CWF19L2: variants seen among roughly 807,000 people sequenced by gnomAD.
The protein encoded by CWF19L2 is CWF19 like cell cycle control factor 2, also known as CWF19-like protein 2.
Under a neutral mutation model 111.7 loss-of-function variants are expected in CWF19L2, and 98 were observed. The observed-to-expected ratio is 0.88, with a 90% confidence interval of 0.75 to 1.04. The LOEUF (loss-of-function observed/expected upper bound fraction) is 1.04. Ranked by LOEUF, CWF19L2 falls within the 50% of genes least tolerant of loss-of-function variation. CWF19L2 has a pLI of 0.00. For synonymous variants in CWF19L2, 351 were observed against 342.9 expected (o/e 1.02, Z -0.26); for missense variants, 1,101 against 1,051.4 (o/e 1.05, Z -0.65).
At chr11:107,372,632 T>G (rs1263803812) in intron 12 of CWF19L2, among the ~76,000 whole-genome samples, 1 of 136,490 alleles carries the variant, frequency 7.3e-6, no homozygotes, top group Non-Finnish European at 1.6e-5. Context: ...ATGCACATTT[T>G]GAACAAAAAA....
At chr11:107,340,423 T>C (rs984055580) in intron 14 of CWF19L2, among the ~76,000 whole-genome samples, 1 of 152,212 alleles carries the variant, frequency 6.6e-6, no homozygotes, top group African/African-American at 2.4e-5. Flanking sequence ...GAAAAGGCTA[T>C]CCCTTTTACA....
At chr11:107,362,362 C>G (rs571419147) in intron 12 of CWF19L2, among the ~76,000 whole-genome samples, 2,564 of 151,904 alleles carry the variant, frequency 0.017, 53 homozygotes, top group African/African-American at 0.057. Flanking sequence ...GGCTTCACCT[C>G]TGGGGGCAGG....
At chr11:107,365,939 C>A (rs924126383) in intron 12 of CWF19L2, among the ~76,000 whole-genome samples, 1 of 143,962 alleles carries the variant, frequency 6.9e-6, no homozygotes, top group South Asian at 2.3e-4. Flanking sequence ...CTGTCTCAGC[C>A]CAAAATCTCC....
chr11:107,454,962 G>A (rs1343776400), intron 2 of CWF19L2, among the ~76,000 whole-genome samples: 1 of 151,882 alleles, frequency 6.6e-6, no homozygotes, highest in Non-Finnish European at 1.5e-5. Context: ...AGACTATTAG[G>A]CCATAAAAAA....
intron 12 of CWF19L2, among the ~76,000 whole-genome samples, chr11:107,380,713 C>T (rs1860672720): frequency 6.6e-6 from 1 of 152,110 alleles, no homozygotes; most frequent in African/African-American, 2.4e-5. Flanking sequence ...CTAGCAATTC[C>T]ATGTCTAGAT....
intron 10 of CWF19L2, among the ~76,000 whole-genome samples, chr11:107,413,250 A>G (rs768086250): frequency 1.8e-4 from 27 of 152,192 alleles, no homozygotes; most frequent in Non-Finnish European, 3.5e-4. Context: ...AAATGTGTGT[A>G]CCTTCCTCTC....
intron 5 of CWF19L2, among the ~76,000 whole-genome samples, chr11:107,440,097 C>A (rs1425018252): frequency 2.6e-5 from 4 of 152,016 alleles, no homozygotes; most frequent in Admixed American, 6.5e-5. Flanking sequence ...AAATTATGGT[C>A]TAGAGAAGGG....
At chr11:107,356,253 A>T (rs1036942090) in intron 12 of CWF19L2, among the ~76,000 whole-genome samples, 10 of 152,214 alleles carry the variant, frequency 6.6e-5, no homozygotes, top group African/African-American at 2.4e-4. Context: ...TAGAGGGAAA[A>T]TTATAGCATT....
intron 12 of CWF19L2, among the ~76,000 whole-genome samples, chr11:107,362,667 A>T (rs1047789812): frequency 7.8e-4 from 118 of 151,482 alleles, no homozygotes; most frequent in African/African-American, 2.4e-3. Flanking sequence ...CCAAAAACCC[A>T]TCTGTACATC....
intron 12 of CWF19L2, among the ~76,000 whole-genome samples, chr11:107,376,251 C>T (rs1308980304): frequency 9.9e-6 from 1 of 100,696 alleles, no homozygotes; most frequent in African/African-American, 4.8e-5. Flanking sequence ...GGAATCCTCC[C>T]TAACTCATTT....
chr11:107,379,946 A>C (rs1269007064), intron 12 of CWF19L2, among the ~76,000 whole-genome samples: 1 of 150,174 alleles, frequency 6.7e-6, no homozygotes, highest in Non-Finnish European at 1.5e-5. Flanking sequence ...CTATAGTCCC[A>C]GCTATTCGGG....
chr11:107,347,979 T>C (rs1350606656), intron 14 of CWF19L2, among the ~76,000 whole-genome samples: 1 of 152,126 alleles, frequency 6.6e-6, no homozygotes, highest in Non-Finnish European at 1.5e-5. Flanking sequence ...TTCCATACTT[T>C]CCACCTTAAA....
At chr11:107,427,894 C>T (rs960392396) in intron 8 of CWF19L2, among the ~76,000 whole-genome samples, 4 of 152,094 alleles carry the variant, frequency 2.6e-5, no homozygotes, top group Non-Finnish European at 5.9e-5. Flanking sequence ...AAATTACACA[C>T]TGAGTTTTAT....
rs142315239 is a variant in CWF19L2, at chr11:107,397,106, G to A, written c.1618-4211C>T. 1.6e-4 allele frequency among the ~76,000 whole-genome samples: 24 copies of A among 152,280 alleles called. No homozygotes were observed. In the East Asian group the frequency reaches 4.6e-3, roughly 29 times the overall value. On this transcript the variant is annotated intron_variant, in intron 10 of 17. Transcript: ENST00000282251. Reference sequence around the variant, plus strand: ...GAGGAGCAGGGAGTAAAACTCCACAGGGAAAAGGAATTATCTAGCGGAACT... The same window carrying A: ...GAGGAGCAGGGAGTAAAACTCCACAAGGAAAAGGAATTATCTAGCGGAACT...
At chr11:107,450,947 A>G (rs1190608436) in intron 3 of CWF19L2, among the ~76,000 whole-genome samples, 1 of 152,184 alleles carries the variant, frequency 6.6e-6, no homozygotes, top group Non-Finnish European at 1.5e-5. Context: ...CTGACTGAAC[A>G]GGTGAACAGA....
intron 3 of CWF19L2, among the ~76,000 whole-genome samples, chr11:107,449,056 G>A (rs1374973468): frequency 1.4e-5 from 2 of 142,968 alleles, no homozygotes; most frequent in African/African-American, 5.2e-5. Context: ...ACTACATACA[G>A]AGAAAAAATA....
intron 10 of CWF19L2, among the ~76,000 whole-genome samples, chr11:107,393,616 C>G (rs1812370335): frequency 6.6e-6 from 1 of 152,118 alleles, no homozygotes; most frequent in Non-Finnish European, 1.5e-5. Flanking sequence ...CACACAATTG[C>G]CAAGTCATGG....
At chr11:107,436,979 A>G (rs1861549919) in intron 6 of CWF19L2, among the ~76,000 whole-genome samples, 1 of 152,224 alleles carries the variant, frequency 6.6e-6, no homozygotes, top group South Asian at 2.1e-4. Flanking sequence ...CATTACTAAA[A>G]TATGACAAAA....
intron 14 of CWF19L2, among the ~76,000 whole-genome samples, chr11:107,348,104 T>C (rs191606256): frequency 6.7e-4 from 102 of 152,238 alleles, no homozygotes; most frequent in Non-Finnish European, 8.2e-4. Context: ...CCTTTAAACT[T>C]TGACAGCAAA....
Sources: allele counts gnomAD v4.1 joint callset (sites outside exome capture counted in the v4.1 genomes callset), GRCh38; gene constraint gnomAD v4.1.1; transcripts MANE v1.5; gene names NCBI Gene and HGNC (gene_info 2026-07-23, HGNC 2026-07-21).